CDKAL1: variants seen among roughly 807,000 people sequenced by gnomAD.
CDKAL1 encodes threonylcarbamoyladenosine tRNA methylthiotransferase.
In CDKAL1, 32 loss-of-function variants were observed where a neutral mutation model predicts 68.2. The observed-to-expected ratio is 0.47, with a 90% confidence interval of 0.35 to 0.63. CDKAL1 has a LOEUF of 0.63. Among genes scored for constraint, CDKAL1 ranks in the 30% least tolerant of loss-of-function variants. The pLI, the probability that CDKAL1 is intolerant of heterozygous loss-of-function variation, is 0.00. For synonymous variants in CDKAL1, 234 were observed against 244.3 expected (o/e 0.96, Z 0.39); for missense variants, 606 against 696.7 (o/e 0.87, Z 1.47).
chr6:21,083,065 C>T (rs1772496067), intron 12 of CDKAL1, among the ~76,000 whole-genome samples: 1 of 151,820 alleles, frequency 6.6e-6, no homozygotes, highest in African/African-American at 2.4e-5. Flanking sequence ...AGGATCTTGT[C>T]ATGTTGCCCG....
chr6:21,006,665 G>A (rs1561955725), intron 11 of CDKAL1, among the ~76,000 whole-genome samples: 1 of 152,066 alleles, frequency 6.6e-6, no homozygotes, highest in Non-Finnish European at 1.5e-5. Context: ...CTTCTCCAGT[G>A]TGTTGTTATA....
At chr6:20,897,425 C>G (rs6918643) in intron 9 of CDKAL1, among the ~76,000 whole-genome samples, 4 of 151,850 alleles carry the variant, frequency 2.6e-5, no homozygotes, top group Admixed American at 2.0e-4. Context: ...GCCTCCCAAT[C>G]CTGCCGCAAG....
chr6:20,667,735 A>G lies in CDKAL1; in HGVS notation c.371+18358A>G, dbSNP rs772736467. On this transcript the variant is annotated intron_variant, in intron 5 of 15. Transcript: ENST00000274695. The stretch of plus-strand genomic sequence containing the variant: ...TTTTGGGGACCATGTGTAGAGGAAC[A>G]ATTTCTTTCCTGTGTGTACTTTTCT... Among the ~76,000 whole-genome samples the G allele has an allele frequency of 6.1e-4, 93 of 152,228 alleles. 1 individual carries two copies. Among genetic ancestry groups the G allele is most frequent in the Middle Eastern group, 3.4e-3 (1 of 294 alleles).
intron 10 of CDKAL1, among the ~76,000 whole-genome samples, chr6:20,992,450 C>G (rs1766879851): frequency 2.0e-5 from 3 of 152,016 alleles, no homozygotes; most frequent in African/African-American, 7.3e-5. Context: ...AAGGCTATGC[C>G]ATTAGAATGT....
intron 11 of CDKAL1, among the ~76,000 whole-genome samples, chr6:21,017,117 A>G (rs1768382376): frequency 6.6e-6 from 1 of 152,194 alleles, no homozygotes; most frequent in Non-Finnish European, 1.5e-5. Flanking sequence ...ATCTCCTTAT[A>G]GATTATCTCT....
chr6:20,566,332 G>A (rs1764459302), intron 4 of CDKAL1, among the ~76,000 whole-genome samples: 2 of 152,094 alleles, frequency 1.3e-5, no homozygotes, highest in South Asian at 4.1e-4. Flanking sequence ...ATGTTAATAT[G>A]TTATAGCTTT....
chr6:20,941,851 T>C (rs192087353), intron 9 of CDKAL1, among the ~76,000 whole-genome samples: 2 of 152,368 alleles, frequency 1.3e-5, no homozygotes, highest in East Asian at 3.9e-4. Context: ...TTTTACCTTT[T>C]TGTGAAAAGT....
chr6:20,634,532 T>A (rs1767810783), intron 4 of CDKAL1, among the ~76,000 whole-genome samples: 2 of 152,232 alleles, frequency 1.3e-5, no homozygotes, highest in Admixed American at 6.5e-5. Context: ...AAGGAGATTA[T>A]TGCAATGGTC....
At chr6:21,015,048 C>G (rs1768248485) in intron 11 of CDKAL1, among the ~76,000 whole-genome samples, 1 of 152,184 alleles carries the variant, frequency 6.6e-6, no homozygotes, top group African/African-American at 2.4e-5. Context: ...TCTATACCAT[C>G]TAGGGCATAT....
intron 11 of CDKAL1, among the ~76,000 whole-genome samples, chr6:21,031,710 C>G (rs573266509): frequency 5.9e-5 from 9 of 152,204 alleles, no homozygotes; most frequent in South Asian, 2.1e-4. Flanking sequence ...GCTTGTAAGT[C>G]TGCCCCATGC....
chr6:20,787,080 A>G (rs187550112), intron 8 of CDKAL1, among the ~76,000 whole-genome samples: 1 of 152,242 alleles, frequency 6.6e-6, no homozygotes, highest in East Asian at 1.9e-4. Flanking sequence ...ATCCTCCCTC[A>G]GGCAAAACAC....
intron 9 of CDKAL1, among the ~76,000 whole-genome samples, chr6:20,952,862 C>T (rs552368046): frequency 5.3e-5 from 8 of 152,308 alleles, no homozygotes; most frequent in Non-Finnish European, 8.8e-5. Context: ...CCACATTTAG[C>T]GTCACTTTTA....
intron 12 of CDKAL1, among the ~76,000 whole-genome samples, chr6:21,089,242 G>A (rs1772865173): frequency 6.6e-6 from 1 of 152,130 alleles, no homozygotes; most frequent in Non-Finnish European, 1.5e-5. Flanking sequence ...TCGGGAGGCT[G>A]AGGTGGGAGG....
chr6:21,078,047 G>A (rs1772170502), intron 12 of CDKAL1, among the ~76,000 whole-genome samples: 1 of 152,108 alleles, frequency 6.6e-6, no homozygotes, highest in Admixed American at 6.5e-5. Context: ...AAAGGCAAGA[G>A]CAGATTCTCC....
intron 13 of CDKAL1, among the ~76,000 whole-genome samples, chr6:21,160,831 G>A (rs1283386990): frequency 2.0e-5 from 3 of 151,556 alleles, no homozygotes; most frequent in Admixed American, 6.6e-5. Context: ...TTAGCCCTGC[G>A]TGCAGGTATT....
At chr6:20,675,821 C>T (rs1770066347) in intron 5 of CDKAL1, among the ~76,000 whole-genome samples, 1 of 152,120 alleles carries the variant, frequency 6.6e-6, no homozygotes, top group Non-Finnish European at 1.5e-5. Context: ...GTAAAACAGC[C>T]TCAGGCAGGT....
chr6:20,624,453 G>A (rs1561976133), intron 4 of CDKAL1, among the ~76,000 whole-genome samples: 1 of 151,728 alleles, frequency 6.6e-6, no homozygotes, highest in African/African-American at 2.4e-5. Context: ...TTGAGGGCAG[G>A]CCAGGCAGAT....
intron 13 of CDKAL1, among the ~76,000 whole-genome samples, chr6:21,176,265 T>C (rs1777567982): frequency 6.6e-6 from 1 of 152,270 alleles, no homozygotes; most frequent in Non-Finnish European, 1.5e-5. Flanking sequence ...TGTATGCATG[T>C]AAGTACAGTT....
intron 4 of CDKAL1, among the ~76,000 whole-genome samples, chr6:20,623,134 G>A (rs1270503402): frequency 6.6e-6 from 1 of 152,040 alleles, no homozygotes; most frequent in South Asian, 2.1e-4. Context: ...GGCAAAGCAA[G>A]CATAACTTCT....
Sources: gnomAD v4.1 joint callset for allele counts (sites outside exome capture counted in the v4.1 genomes callset) on GRCh38, gnomAD v4.1.1 for gene constraint, MANE v1.5 for transcripts, NCBI Gene and HGNC (gene_info 2026-07-23, HGNC 2026-07-21) for gene names.